The following PDZD7 variants were observed in gnomAD, a reference collection of about 807,000 sequenced individuals.
PDZD7 encodes PDZ domain containing 7, also known as PDZ domain-containing protein 7.
Under a neutral mutation model 84.7 loss-of-function variants are expected in PDZD7, and 72 were observed. That is an observed-to-expected ratio of 0.85 (90% CI 0.70 to 1.03). The LOEUF (loss-of-function observed/expected upper bound fraction) is 1.03, where lower values mean the gene tolerates loss of function less well. Among genes scored for constraint, PDZD7 ranks in the 50% least tolerant of loss-of-function variants. The pLI, the probability that PDZD7 is intolerant of heterozygous loss-of-function variation, is 0.00. For missense variants in PDZD7, 1,490 were observed against 1,412.9 expected (o/e 1.05, Z -0.87); for synonymous variants, 594 against 580.7 (o/e 1.02, Z -0.33).
Position 101,008,289 on chromosome 10 carries a change from G to A in PDZD7, c.*178C>T. The A allele has an allele frequency of 1.4e-6, 1 of 716,086 alleles. No individual in the cohort carries two copies. 44.4% of individuals were successfully genotyped at this position (716,086 alleles called of 1,614,324 possible). ...CTAGCACCTTGTCCTTGGACACTAA[G>A]GCAGAGCCTTAATGACAGCTGAGGA... On this transcript the variant is annotated 3_prime_UTR_variant, in exon 17 of 17. Coordinates refer to ENST00000619208, the MANE Select transcript of PDZD7 (RefSeq NM_001195263.2).
chr10:101,018,876 G>T lies in PDZD7; in HGVS notation c.1270C>A (p.Leu424Ile). 6.2e-7 allele frequency: 1 copy of T among 1,604,680 alleles called. No individual in the cohort carries two copies. The highest frequency in any genetic ancestry group is 2.2e-5 in the East Asian group (1 of 44,516). The change falls in exon 8 of 17, where the codon CTC becomes ATC. Residue 424 changes from leucine (L) to isoleucine (I), a missense_variant. Leu to Ile is a conservative substitution (Grantham distance 5). Coordinates refer to ENST00000619208, the MANE Select transcript of PDZD7 (RefSeq NM_001195263.2). ...GTGATGGGGGGCCGGGGTCGGCTGA[G>T]GGCCAGCAGCAAAGCCGTCTTGGGA... ...ESPKTALLLALSRPRPPITRS... is the reference protein window; with the variant it reads ...ESPKTALLLAISRPRPPITRS...
chr10:101,018,001 G>C (rs1300078316), intron 9 of PDZD7, 98 bp downstream of exon 9: 2 of 1,464,952 alleles, frequency 1.4e-6, no homozygotes, highest in East Asian at 4.5e-5. Flanking sequence ...TAGGGACTCA[G>C]CTGGTAAGAC....
rs553315568 is a variant in PDZD7 at position 101,015,567 on chromosome 10, C to A, written c.1749+69G>T. 6.7e-6 allele frequency: 10 copies of A among 1,502,494 alleles called. No homozygotes were observed. The East Asian group carries it at 2.5e-4, about 37-fold the overall frequency. 93.1% of individuals were successfully genotyped at this position (1,502,494 alleles called of 1,614,324 possible). A position where few individuals can be genotyped will look rare whatever the true frequency, so the allele number is the denominator to read the frequency against. ...CCAGACACTGGTCAGTGGACAGTGG[C>A]CTGAATGAATGATGGGCTGGGTGAC... On this transcript the variant is annotated intron_variant, in intron 11 of 16. Transcript: ENST00000619208.
rs749201544 is a variant in PDZD7 at position 101,010,352 on chromosome 10, C to T, written c.2537G>A (p.Gly846Glu). ...CTTCATGGCTGCCTCCTTGGCCGTC[C>T]CCTCAGTTCCACTCTCCGAGGGCCC... ...KQGPSESGTE[G>E]TAKEAAMKNP... is the part of the protein sequence containing the mutation. Residue 846 changes from glycine (G) to glutamate (E), a missense_variant, in exon 15 of 17, where the codon GGG becomes GAG. By Grantham distance (98) the Gly-to-Glu change is moderately conservative. Transcript: ENST00000619208. The T allele has an allele frequency of 1.3e-6, 2 of 1,535,504 alleles. No homozygotes were observed. The highest frequency in any genetic ancestry group is 1.7e-6 in the Non-Finnish European group (2 of 1,146,330).
At position 101,008,554 on chromosome 10, in the gene PDZD7, C is replaced by G. The variant is rs890671396; in HGVS notation, c.3015G>C (p.Arg1005Ser). The change falls in exon 17 of 17, where the codon AGG (arginine) becomes AGC (serine). Residue 1005 changes from arginine to serine, a missense_variant. By Grantham distance (110) the Arg-to-Ser change is moderately radical. Transcript: ENST00000619208. Reference sequence around the variant, plus strand: ...CTGGGCTGGGAGTTGGCTGGAGGAGCCTGGCATCAGTGGGAGGAGTCTGGG... The same window carrying G: ...CTGGGCTGGGAGTTGGCTGGAGGAGGCTGGCATCAGTGGGAGGAGTCTGGG... ...TNPQTPPTDARLLQPTPSPAP... is the reference protein window; with the variant it reads ...TNPQTPPTDASLLQPTPSPAP... The G allele has an allele frequency of 5.2e-6, 8 of 1,535,202 alleles. No homozygotes were observed. The South Asian group carries it at 6.0e-5, about 11-fold the overall frequency.
rs1009189582 is a variant in PDZD7, at chr10:101,008,271, C to T, written c.*196G>A. The T allele has an allele frequency of 3.1e-6, 2 of 642,238 alleles. No individual in the cohort carries two copies. The highest frequency in any genetic ancestry group is 3.6e-5 in the African/African-American group (2 of 54,902). 39.8% of individuals were successfully genotyped at this position (642,238 alleles called of 1,614,324 possible). A position where few individuals can be genotyped will look rare whatever the true frequency, so the allele number is the denominator to read the frequency against. On this transcript the variant is annotated 3_prime_UTR_variant, in exon 17 of 17. Coordinates refer to ENST00000619208, the MANE Select transcript of PDZD7 (RefSeq NM_001195263.2). Reference sequence around the variant, plus strand: ...GGTGACACAGGCTGCCCACTAGCACCTTGTCCTTGGACACTAAGGCAGAGC... The same window carrying T: ...GGTGACACAGGCTGCCCACTAGCACTTTGTCCTTGGACACTAAGGCAGAGC...
chr10:101,024,650 G>A (rs1286313823), intron 2 of PDZD7, among the ~76,000 whole-genome samples: 1 of 151,596 alleles, frequency 6.6e-6, no homozygotes, highest in African/African-American at 2.4e-5. Flanking sequence ...GTGTAGTGGT[G>A]TATGCCTGTG....
rs776593991 is a variant in PDZD7 at position 101,022,235 on chromosome 10, C to A, written c.693G>T (p.Glu231Asp). The stretch of plus-strand genomic sequence containing the variant: ...TGGACACATAGATGCCCAGGCCAAA[C>A]TCCTTGCCCCCACGGATGTTGAAGC... The part of the protein sequence containing the change: ...CLGFNIRGGK[E>D]FGLGIYVSKV... The change falls in exon 5 of 17, where the codon GAG becomes GAT. Residue 231 changes from glutamate to aspartate, a missense_variant. By Grantham distance (45) the Glu-to-Asp change is conservative. Coordinates refer to ENST00000619208, the MANE Select transcript of PDZD7 (RefSeq NM_001195263.2). 1.2e-6 allele frequency: 2 copies of A among 1,614,254 alleles called. No individual in the cohort carries two copies. The highest frequency in any genetic ancestry group is 1.7e-6 in the Non-Finnish European group (2 of 1,180,048).
At chr10:101,014,671 GAC>G (rs3051191) in intron 11 of PDZD7, among the ~76,000 whole-genome samples, 87 of 149,136 alleles carry the variant, frequency 5.8e-4, no homozygotes, top group African/African-American at 1.5e-3. Context: ...ACAATGCATG[GAC>G]ACACACACAC....
At chr10:101,011,441 G>A in intron 14 of PDZD7, 1 of 1,082,574 alleles carries the variant, frequency 9.2e-7, no homozygotes, top group Non-Finnish European at 1.2e-6. Context: ...TTTCTCAGAG[G>A]TTACTGCATA....
rs113339353 is a variant in PDZD7, at chr10:101,017,708, C to T, written c.1522+391G>A. 1,813 of 658,784 alleles carry T rather than the reference C, an allele frequency of 2.8e-3. 4 individuals are homozygous for T. Among genetic ancestry groups the T allele is most frequent in the Non-Finnish European group, 4.2e-3 (1,521 of 362,120 alleles). The allele number at this position is 658,784 out of a possible 1,614,324, so 40.8% of individuals were successfully genotyped here. A position where few individuals can be genotyped will look rare whatever the true frequency, so the allele number is the denominator to read the frequency against. Reference sequence around the variant, plus strand: ...GGCTGAGGTGGGAGGATCGCTTGAGCGTGGGAGGCGCAGGTCGCAGTGAGC... The same window carrying T: ...GGCTGAGGTGGGAGGATCGCTTGAGTGTGGGAGGCGCAGGTCGCAGTGAGC... On this transcript the variant is annotated intron_variant, in intron 9 of 16. Coordinates refer to ENST00000619208, the MANE Select transcript of PDZD7 (RefSeq NM_001195263.2).
At position 101,017,892 on chromosome 10, in the gene PDZD7, AAAAG is replaced by A. The variant is rs780560274; in HGVS notation, c.1522+203_1522+206del. Reference sequence around the variant, plus strand: ...GAAAGAAAGAAAGAAAGAAAGAAAGAAAAGAAAGAAAGAAAGAAAGAAAAGAAAG... The same window carrying A: ...GAAAGAAAGAAAGAAAGAAAGAAAGAAAAGAAAGAAAGAAAGAAAAGAAAG... On this transcript the variant is annotated intron_variant, in intron 9 of 16. Transcript: ENST00000619208. 1,285 of 142,188 alleles carry A rather than the reference AAAAG, an allele frequency of 9.0e-3. 33 individuals carry two copies. The highest frequency in any genetic ancestry group is 0.03 in the East Asian group (515 of 17,034). The allele number at this position is 142,188 out of a possible 1,614,324, so 8.8% of individuals were successfully genotyped here. A position where few individuals can be genotyped will look rare whatever the true frequency, so the allele number is the denominator to read the frequency against.
In PDZD7 at chr10:101,007,724, T is replaced by A. The variant is rs560235290; in HGVS notation, c.*743A>T. On this transcript the variant is annotated 3_prime_UTR_variant, in exon 17 of 17. Coordinates refer to ENST00000619208, the MANE Select transcript of PDZD7 (RefSeq NM_001195263.2). ...TATTTGTGTTTGTGACCAAGCAGCC[T>A]CTCCCTTCACCCAGGTTTATGGCCT... The A allele has an allele frequency of 1.1e-6, 1 of 932,976 alleles. No homozygotes were observed. The highest frequency in any genetic ancestry group is 3.1e-5 in the South Asian group (1 of 32,248). The allele number at this position is 932,976 out of a possible 1,614,324, so 57.8% of individuals were successfully genotyped here.
chr10:101,016,987 C>T (rs1011865150), intron 9 of PDZD7, among the ~76,000 whole-genome samples: 2 of 152,124 alleles, frequency 1.3e-5, no homozygotes, highest in Admixed American at 6.5e-5. Context: ...TTTGTTGATC[C>T]GACATCCACC....
rs1363475282 is a variant in PDZD7 at position 101,021,888 on chromosome 10, C to T, written c.777G>A (p.Leu259=). 1.2e-6 allele frequency: 2 copies of T among 1,614,060 alleles called. No homozygotes were observed. The highest frequency in any genetic ancestry group is 1.7e-6 in the Non-Finnish European group (2 of 1,180,040). ...CGTCAAACCTGACACCGTTGGCTGCCAGGACCTGGTCCCCCACCTTGATGC... is the reference window on the plus strand; with the variant it reads ...CGTCAAACCTGACACCGTTGGCTGCTAGGACCTGGTCCCCCACCTTGATGC... ...ENGIKVGDQV[L]AANGVRFDDI... Residue 259 remains leucine, a synonymous_variant, in exon 6 of 17, where the codon CTG becomes CTA. Transcript: ENST00000619208.
chr10:101,020,821 ACTTT>A, intron 6 of PDZD7, 143 bp from the exon 7 acceptor site: 1 of 674,362 alleles, frequency 1.5e-6, no homozygotes, highest in Non-Finnish European at 2.6e-6. Context: ...CGCACAGGCC[ACTTT>A]CTTTCTGAAC....
rs747896553 is a variant in PDZD7 at position 101,008,005 on chromosome 10, ATC to A, written c.*460_*461del. On this transcript the variant is annotated 3_prime_UTR_variant, in exon 17 of 17. Coordinates refer to ENST00000619208, the MANE Select transcript of PDZD7 (RefSeq NM_001195263.2). Reference sequence around the variant, plus strand: ...TCTTAGTGGACCCCAACGTGAAATGATCTCTCAGGATTTCAGGGACTAGAAAA... The same window carrying A: ...TCTTAGTGGACCCCAACGTGAAATGATCTCAGGATTTCAGGGACTAGAAAA... 7 of 162,206 alleles carry A rather than the reference ATC, an allele frequency of 4.3e-5. No homozygotes were observed. In the South Asian group the frequency reaches 9.3e-4, roughly 22 times the overall value. The allele number at this position is 162,206 out of a possible 1,614,324, so 10.0% of individuals were successfully genotyped here.
chr10:101,011,302 A>G (rs1316730452), intron 14 of PDZD7: 6 of 380,916 alleles, frequency 1.6e-5, no homozygotes, highest in Non-Finnish European at 2.2e-5. Flanking sequence ...CAGCCTCCCA[A>G]AGTGCTGGGA....
chr10:101,022,905 T>G (rs1473156354), intron 4 of PDZD7, among the ~76,000 whole-genome samples: 1 of 152,038 alleles, frequency 6.6e-6, no homozygotes, highest in Admixed American at 6.6e-5. Flanking sequence ...CTCAAGTAGC[T>G]GGGATTACAG....
Sources: allele counts gnomAD v4.1 joint callset (sites outside exome capture counted in the v4.1 genomes callset), GRCh38; gene constraint gnomAD v4.1.1; transcripts MANE v1.5; gene names NCBI Gene and HGNC (gene_info 2026-07-23, HGNC 2026-07-21).